SATB1: variants seen among roughly 807,000 people sequenced by gnomAD.
SATB1 encodes DNA-binding protein SATB1.
Under a neutral mutation model 86.9 loss-of-function variants are expected in SATB1, and 11 were observed. The observed-to-expected ratio is 0.13, with a 90% CI of 0.08 to 0.21. The LOEUF (loss-of-function observed/expected upper bound fraction) is 0.21, where lower values mean the gene tolerates loss of function less well. SATB1 is among the 10% of genes least tolerant of loss of function. The probability of loss-of-function intolerance (pLI) is 1.00; values close to 1 mark genes in which losing one functional copy is unlikely to be tolerated. For missense variants in SATB1, 551 were observed against 937.6 expected (o/e 0.59, Z 5.39); for synonymous variants, 357 against 357.2 (o/e 1.00, Z 0.01).
intron 9 of SATB1, among the ~76,000 whole-genome samples, chr3:18,377,966 T>C (rs906570508): frequency 1.3e-5 from 2 of 152,180 alleles, no homozygotes; most frequent in African/African-American, 4.8e-5. Context: ...AAATCCTTGG[T>C]CTGAGGAGTG....
upstream of SATB1, among the ~76,000 whole-genome samples, chr3:18,426,017 G>A (rs1434278905): frequency 6.6e-6 from 1 of 152,206 alleles, no homozygotes; most frequent in Non-Finnish European, 1.5e-5. The surrounding 1 kb of genome is among the most constrained non-coding windows in gnomAD (Gnocchi z 4.2). Flanking sequence ...CGTGGGAGAA[G>A]GGCGCGGGTA....
intron 5 of SATB1, among the ~76,000 whole-genome samples, chr3:18,397,657 G>A (rs979041990): frequency 9.2e-5 from 14 of 152,042 alleles, no homozygotes; most frequent in African/African-American, 2.7e-4. Flanking sequence ...ACGAGACTTC[G>A]CGATTTTTTG....
chr3:18,350,062 G>A (rs1482412842), intron 10 of SATB1: 1 of 202,438 alleles, frequency 4.9e-6, no homozygotes, highest in Non-Finnish European at 9.9e-6. Flanking sequence ...TGAAGATGGA[G>A]AGGAAAGGAT....
intron 5 of SATB1, among the ~76,000 whole-genome samples, chr3:18,408,248 C>A (rs922700605): frequency 6.6e-6 from 1 of 151,844 alleles, no homozygotes; most frequent in African/African-American, 2.4e-5. Context: ...AAGAAGTCAG[C>A]CACCTTCTCT....
chr3:18,406,815 A>C (rs1697561014), intron 5 of SATB1, among the ~76,000 whole-genome samples: 1 of 152,104 alleles, frequency 6.6e-6, no homozygotes, highest in South Asian at 2.1e-4. Context: ...AATATTTCAT[A>C]AGATAGGATA....
intron 2 of SATB1, among the ~76,000 whole-genome samples, chr3:18,434,383 GTA>G (rs530106615): frequency 6.8e-5 from 10 of 147,896 alleles, no homozygotes; most frequent in Non-Finnish European, 7.4e-5. Context: ...GTAAGAATAA[GTA>G]TATATATATA....
At chr3:18,433,342 C>T (rs1010489474) in intron 2 of SATB1, among the ~76,000 whole-genome samples, 12 of 151,912 alleles carry the variant, frequency 7.9e-5, no homozygotes, top group African/African-American at 2.9e-4. Context: ...TGCAAATTGT[C>T]TACATAAAAA....
intron 2 of SATB1, among the ~76,000 whole-genome samples, chr3:18,435,977 C>A (rs1004113276): frequency 1.3e-5 from 2 of 152,028 alleles, no homozygotes; most frequent in African/African-American, 4.8e-5. Context: ...TACAAGCAGC[C>A]CCACTCATAT....
At chr3:18,422,795 G>T (rs567596858) in intron 1 of SATB1, among the ~76,000 whole-genome samples, 2 of 152,306 alleles carry the variant, frequency 1.3e-5, no homozygotes, top group Admixed American at 1.3e-4. Context: ...AAGGGAGGGG[G>T]TGTAGACAAC....
intron 9 of SATB1, among the ~76,000 whole-genome samples, chr3:18,363,763 A>G (rs952187081): frequency 6.6e-6 from 1 of 152,158 alleles, no homozygotes; most frequent in African/African-American, 2.4e-5. Context: ...TGTGTAGGCT[A>G]ACAGGAGATG....
At chr3:18,381,729 A>G (rs1408143587) in intron 8 of SATB1, among the ~76,000 whole-genome samples, 1 of 152,130 alleles carries the variant, frequency 6.6e-6, no homozygotes, top group Non-Finnish European at 1.5e-5. Flanking sequence ...TTTGATTAAA[A>G]TCCAATCTAA....
intron 5 of SATB1, among the ~76,000 whole-genome samples, chr3:18,412,089 A>G (rs1697875939): frequency 6.6e-6 from 1 of 151,916 alleles, no homozygotes; most frequent in African/African-American, 2.4e-5. Context: ...CTCCTGCCTC[A>G]GCCTCCCAAG....
rs1229782079 is a variant in SATB1 at position 18,386,253 on chromosome 3, T to A, written c.1419+146A>T. ...TGTTTTTATATCAGAATTAATGATT[T>A]GGGACCAAATTCTCCTCAAGCAACT... On this transcript the variant is annotated intron_variant, in intron 8 of 10. Coordinates refer to ENST00000338745, the MANE Select transcript of SATB1 (RefSeq NM_002971.6). This position sits in a 1 kb window ranked among gnomAD's most constrained non-coding sequence, Gnocchi z 4.5. The A allele has an allele frequency of 1.2e-5, 8 of 647,922 alleles. No individual in the cohort carries two copies. The highest frequency in any genetic ancestry group is 2.1e-5 in the Non-Finnish European group (8 of 378,586). The allele number at this position is 647,922 out of a possible 1,614,324, so 40.1% of individuals were successfully genotyped here.
At chr3:18,429,989 G>GT (rs1424643682), upstream of SATB1, among the ~76,000 whole-genome samples, 4 of 152,150 alleles carry the variant, frequency 2.6e-5, no homozygotes, top group African/African-American at 9.7e-5. This position sits in a 1 kb window ranked among gnomAD's most constrained non-coding sequence, Gnocchi z 4.1. Context: ...TGCATTGACA[G>GT]TTTTTTAAAG....
intron 9 of SATB1, among the ~76,000 whole-genome samples, chr3:18,354,103 T>G (rs1194281010): frequency 6.6e-6 from 1 of 152,212 alleles, no homozygotes; most frequent in Non-Finnish European, 1.5e-5. Context: ...TCTATTTATG[T>G]GAATATATTA....
At chr3:18,412,579 A>G (rs1346726490) in intron 5 of SATB1, among the ~76,000 whole-genome samples, 2 of 151,746 alleles carry the variant, frequency 1.3e-5, no homozygotes, top group African/African-American at 4.8e-5. Flanking sequence ...ATGAATCAAC[A>G]CTCCACAGGG....
rs144572913 is a variant in SATB1, at chr3:18,432,106, G to A, written c.-25+4683C>T. ...CAGACAACTGTTCAACCTTGAGTGG[G>A]CTTCTCTTTGAAGGGCTGAAAACTG... is the stretch of plus-strand genomic sequence containing the variant. On this transcript the variant is annotated intron_variant, in intron 2 of 3. Coordinates refer to the SATB1 transcript ENST00000414509. Among the ~76,000 whole-genome samples, 6 of 152,184 alleles carry A rather than the reference G, an allele frequency of 3.9e-5. No individual in the cohort carries two copies. The East Asian group carries it at 1.2e-3, about 29-fold the overall frequency.
intron 8 of SATB1, among the ~76,000 whole-genome samples, chr3:18,385,539 C>T (rs1267264544): frequency 1.3e-5 from 2 of 151,200 alleles, no homozygotes; most frequent in East Asian, 1.9e-4. Flanking sequence ...AGGAGAATGG[C>T]GTGAACCCGG....
upstream of SATB1, among the ~76,000 whole-genome samples, chr3:18,442,755 ATATAT>A (rs1259908764): frequency 4.6e-5 from 7 of 152,248 alleles, no homozygotes; most frequent in African/African-American, 1.7e-4. Context: ...AACAGAGTAA[ATATAT>A]TAAATTTGTT....
Sources: allele counts gnomAD v4.1 joint callset (sites outside exome capture counted in the v4.1 genomes callset), GRCh38; gene constraint gnomAD v4.1.1; non-coding constraint Gnocchi (gnomAD v3.1); transcripts MANE v1.5; gene names NCBI Gene and HGNC (gene_info 2026-07-23, HGNC 2026-07-21).